Variants in CTSV observed in about 807,000 individuals in gnomAD.
CTSV encodes the protein cathepsin V, also known as cathepsin L2.
In CTSV, 33 loss-of-function variants were observed where a neutral mutation model predicts 35.6. That is an observed-to-expected ratio of 0.93 (90% CI 0.70 to 1.24). The LOEUF is 1.24. Ranked by LOEUF, CTSV falls within the 50% of genes most tolerant of loss-of-function variation. The probability of loss-of-function intolerance (pLI) is 0.00; values close to 1 mark genes in which losing one functional copy is unlikely to be tolerated. For missense variants in CTSV, 408 were observed against 413.1 expected, an observed-to-expected ratio of 0.99 and a Z score of 0.11; for synonymous variants, 154 against 147.1, an observed-to-expected ratio of 1.05 and a Z score of -0.34.
Position 97,032,815 on chromosome 9 carries a change from C to T in CTSV, c.*134G>A, listed in dbSNP as rs1019636869. The stretch of plus-strand genomic sequence containing the variant: ...ACATTTTACCCTTGTAAAAATGTCA[C>T]AGAATTAAAATCTCAACTTGGATCC... On this transcript the variant is annotated 3_prime_UTR_variant, in exon 8 of 8. Transcript: ENST00000259470. 9.1e-6 allele frequency: 5 copies of T among 552,450 alleles called. No homozygotes were observed. The African/African-American group carries it at 9.4e-5, about 10-fold the overall frequency. 34.2% of individuals were successfully genotyped at this position (552,450 alleles called of 1,614,324 possible). A position where few individuals can be genotyped will look rare whatever the true frequency, so the allele number is the denominator to read the frequency against.
upstream of CTSV, chr9:97,039,622 G>T (rs1299933659): frequency 6.6e-6 from 1 of 151,918 alleles, no homozygotes; most frequent in African/African-American, 2.4e-5. Flanking sequence ...ACTTAAGGGT[G>T]GGTGCATCAG....
Position 97,037,244 on chromosome 9 carries a change from T to C in CTSV, c.396+8A>G, listed in dbSNP as rs372492323. 129 of 1,613,088 alleles carry C rather than the reference T, an allele frequency of 8.0e-5. No homozygotes were observed. The highest frequency in any genetic ancestry group is 1.0e-4 in the Non-Finnish European group (122 of 1,179,494). ...TGGAGACAGGGTCTGAATCTGACGC[T>C]GTCTCACCTGATTCTTCACTGGCGT... On this transcript the variant is annotated splice_region_variant and intron_variant, in intron 4 of 7. Coordinates refer to ENST00000259470, the MANE Select transcript of CTSV (RefSeq NM_001333.4).
chr9:97,034,774 A>G lies in CTSV; in HGVS notation c.857T>C (p.Phe286Ser). The G allele has an allele frequency of 1.2e-6, 2 of 1,614,116 alleles. No homozygotes were observed. The highest frequency in any genetic ancestry group is 1.7e-6 in the Non-Finnish European group (2 of 1,180,022). The change falls in exon 7 of 8, where the codon TTT becomes TCT. Residue 286 changes from phenylalanine to serine, a missense_variant. Physicochemically the swap from Phe to Ser is radical, Grantham distance 155. Transcript: ENST00000259470. ...DHGVLVVGYGFEGANSNNSKY... is the reference protein window; with the variant it reads ...DHGVLVVGYGSEGANSNNSKY... Reference sequence around the variant, plus strand: ...GCTGTTATTCGAATTTGCTCCTTCAAAGCCGTAGCCAACCACCAGAACACC... The same window carrying G: ...GCTGTTATTCGAATTTGCTCCTTCAGAGCCGTAGCCAACCACCAGAACACC...
At chr9:97,033,125 C>T in intron 7 of CTSV, 77 bp from the exon 8 acceptor site, 1 of 870,362 alleles carries the variant, frequency 1.1e-6, no homozygotes, top group Non-Finnish European at 1.9e-6. Flanking sequence ...ATAGCTAATA[C>T]TTAAACAGTG....
chr9:97,039,093 G>A lies in CTSV; in HGVS notation c.-33C>T, dbSNP rs1004063262. ...CACCAGCAGCCGTCGCAGCTGCGCAGGCACCCTCAGCAAACAAGCCTCTGA... is the reference window on the plus strand; with the variant it reads ...CACCAGCAGCCGTCGCAGCTGCGCAAGCACCCTCAGCAAACAAGCCTCTGA... On this transcript the variant is annotated 5_prime_UTR_variant, in exon 1 of 8. Transcript: ENST00000259470. 1 of 152,800 alleles carries A rather than the reference G, an allele frequency of 6.5e-6. No homozygotes were observed. The highest frequency in any genetic ancestry group is 1.5e-5 in the Non-Finnish European group (1 of 68,420). 9.5% of individuals were successfully genotyped at this position (152,800 alleles called of 1,614,324 possible). A position where few individuals can be genotyped will look rare whatever the true frequency, so the allele number is the denominator to read the frequency against.
In CTSV at chr9:97,032,879, T is replaced by C; in HGVS notation, c.*70A>G. Reference sequence around the variant, plus strand: ...TGGTTTATCTTACACAATAAGCGTTTGGTCAGTTTCAAGATAAAATTTCCC... The same window carrying C: ...TGGTTTATCTTACACAATAAGCGTTCGGTCAGTTTCAAGATAAAATTTCCC... On this transcript the variant is annotated 3_prime_UTR_variant, in exon 8 of 8. Transcript: ENST00000259470. The C allele has an allele frequency of 9.6e-7, 1 of 1,036,340 alleles. No individual in the cohort carries two copies. The highest frequency in any genetic ancestry group is 1.4e-6 in the Non-Finnish European group (1 of 693,542). 64.2% of individuals were successfully genotyped at this position (1,036,340 alleles called of 1,614,324 possible). A position where few individuals can be genotyped will look rare whatever the true frequency, so the allele number is the denominator to read the frequency against.
chr9:97,032,644 A>G lies in CTSV; in HGVS notation c.*305T>C, dbSNP rs1828773314. 1 of 247,360 alleles carries G rather than the reference A, an allele frequency of 4.0e-6. No homozygotes were observed. Among genetic ancestry groups the G allele is most frequent in the East Asian group, 8.0e-5 (1 of 12,444 alleles). The allele number at this position is 247,360 out of a possible 1,614,324, so 15.3% of individuals were successfully genotyped here. A position where few individuals can be genotyped will look rare whatever the true frequency, so the allele number is the denominator to read the frequency against. On this transcript the variant is annotated 3_prime_UTR_variant, in exon 8 of 8. Transcript: ENST00000259470. ...TACACAAAAAGCCAATGCATTAAAA[A>G]AAGGCCCACCTTTATATACGAATTA...
chr9:97,039,273 C>G (rs1211489337), upstream of CTSV: 1 of 152,258 alleles, frequency 6.6e-6, no homozygotes, highest in Non-Finnish European at 1.5e-5. Flanking sequence ...CGTGACGCAG[C>G]CCAGTCCCAA....
intron 5 of CTSV, among the ~76,000 whole-genome samples, chr9:97,036,104 T>C (rs1353790683): frequency 3.3e-5 from 5 of 150,942 alleles, no homozygotes; most frequent in Non-Finnish European, 7.4e-5. Flanking sequence ...GGAGTCTCGC[T>C]CTGCGGCCCA....
intron 7 of CTSV, among the ~76,000 whole-genome samples, chr9:97,034,232 A>T (rs1308249249): frequency 6.6e-6 from 1 of 152,260 alleles, no homozygotes; most frequent in East Asian, 1.9e-4. Flanking sequence ...CATCTCAATT[A>T]AAGAATGCTA....
chr9:97,035,594 C>G lies in CTSV; in HGVS notation c.721G>C (p.Ala241Pro). Residue 241 changes from alanine (A) to proline (P), a missense_variant, in exon 6 of 8, where the codon GCA (alanine) becomes CCA (proline). By Grantham distance (27) the Ala-to-Pro change is conservative. Transcript: ENST00000259470. The stretch of plus-strand genomic sequence containing the variant: ...GCAACGGAGATGGGCCCCACAGTTG[C>G]GACTGCTTTCATCAGGGCCTTCTCC... ...GKEKALMKAV[A>P]TVGPISVAMD... The G allele has an allele frequency of 6.2e-7, 1 of 1,604,502 alleles. No individual in the cohort carries two copies. The highest frequency in any genetic ancestry group is 1.1e-5 in the South Asian group (1 of 89,624).
At chr9:97,037,437 AT>A in intron 3 of CTSV, 39 bp from the exon 4 acceptor site, 5 of 1,613,740 alleles carry the variant, frequency 3.1e-6, no homozygotes, top group Non-Finnish European at 3.4e-6. Flanking sequence ...AAGCAAGACT[AT>A]TTTGGTGAAG....
chr9:97,037,598 C>T lies in CTSV; in HGVS notation c.144G>A (p.Arg48=). ...RLYGANEEGW[R]RAVWEKNMKM... Reference sequence around the variant, plus strand: ...TCATATTCTTTTCCCACACTGCTCTCCTCCATCCTTCTTCATTCTAGAGGC... The same window carrying T: ...TCATATTCTTTTCCCACACTGCTCTTCTCCATCCTTCTTCATTCTAGAGGC... Residue 48 remains arginine, a synonymous_variant, in exon 3 of 8, where the codon AGG becomes AGA. Coordinates refer to ENST00000259470, the MANE Select transcript of CTSV (RefSeq NM_001333.4). The T allele has an allele frequency of 6.2e-7, 1 of 1,614,086 alleles. No homozygotes were observed. Among genetic ancestry groups the T allele is most frequent in the Non-Finnish European group, 8.5e-7 (1 of 1,179,992 alleles).
In CTSV at chr9:97,031,151, C is replaced by A. The variant is rs1386418547; in HGVS notation, c.*1798G>T. On this transcript the variant is annotated 3_prime_UTR_variant, in exon 8 of 8. Transcript: ENST00000259470. Reference sequence around the variant, plus strand: ...CATTCAATTTAGTGCCTAGATGTTTCCTTAGAGCCTGGGTTGTTGTTCCAA... The same window carrying A: ...CATTCAATTTAGTGCCTAGATGTTTACTTAGAGCCTGGGTTGTTGTTCCAA... 6.6e-6 allele frequency: 1 copy of A among 152,112 alleles called. No individual in the cohort carries two copies. The highest frequency in any genetic ancestry group is 1.5e-5 in the Non-Finnish European group (1 of 68,030). 9.4% of individuals were successfully genotyped at this position (152,112 alleles called of 1,614,324 possible). A position where few individuals can be genotyped will look rare whatever the true frequency, so the allele number is the denominator to read the frequency against.
chr9:97,038,175 G>A (rs1828890183), intron 1 of CTSV, 122 bp from the exon 2 acceptor site: 1 of 1,052,742 alleles, frequency 9.5e-7, no homozygotes, highest in East Asian at 2.7e-5. Context: ...CTGTGGAAGA[G>A]GCTGAAACAG....
chr9:97,036,879 C>A, intron 4 of CTSV, 132 bp from the exon 5 acceptor site: 1 of 825,206 alleles, frequency 1.2e-6, no homozygotes, highest in Non-Finnish European at 1.8e-6. Context: ...CCGAGGCGGG[C>A]AGATCACTTG....
At chr9:97,033,244 A>C (rs916905734) in intron 7 of CTSV, among the ~76,000 whole-genome samples, 196 bp from the exon 8 acceptor site, 3 of 152,114 alleles carry the variant, frequency 2.0e-5, no homozygotes, top group Non-Finnish European at 4.4e-5. Flanking sequence ...TGGGAGGCCG[A>C]GGTGGGCAGA....
chr9:97,039,639 AG>A (rs1164734157), upstream of CTSV: 1 of 152,008 alleles, frequency 6.6e-6, no homozygotes, highest in African/African-American at 2.4e-5. Context: ...TCAGGGCTTT[AG>A]AAGAATCTGG....
intron 7 of CTSV, among the ~76,000 whole-genome samples, 180 bp downstream of exon 7, chr9:97,034,546 C>T (rs916027838): frequency 1.3e-5 from 2 of 152,134 alleles, no homozygotes; most frequent in Non-Finnish European, 2.9e-5. Context: ...TAAAATATTA[C>T]AAATACATAG....
Sources: gnomAD v4.1 joint callset for allele counts (sites outside exome capture counted in the v4.1 genomes callset) on GRCh38, gnomAD v4.1.1 for gene constraint, MANE v1.5 for transcripts, NCBI Gene and HGNC (gene_info 2026-07-23, HGNC 2026-07-21) for gene names.